The following UBR4 variants were observed in gnomAD, a reference collection of about 807,000 sequenced individuals.
UBR4 encodes the protein ubiquitin protein ligase E3 component n-recognin 4.
In UBR4, 124 loss-of-function variants were observed where a neutral mutation model predicts 575.6. That is an observed-to-expected ratio of 0.22 (90% CI 0.19 to 0.25). UBR4 has a LOEUF of 0.25. Ranked by LOEUF, UBR4 falls within the 10% of genes least tolerant of loss-of-function variation. The pLI is 1.00. For synonymous variants in UBR4, 2,455 were observed against 2,473.7 expected (o/e 0.99, Z 0.22); for missense variants, 4,818 against 6,478.8 (o/e 0.74, Z 8.80).
intron 75 of UBR4, among the ~76,000 whole-genome samples, chr1:19,114,340 T>C (rs1260593968): frequency 2.0e-5 from 3 of 152,220 alleles, no homozygotes; most frequent in African/African-American, 7.2e-5. Flanking sequence ...ATGGCTGGAA[T>C]TAGAATTTCT....
At chr1:19,166,883 G>C (rs1039359189) in intron 29 of UBR4, 139 bp downstream of exon 29, 5 of 969,054 alleles carry the variant, frequency 5.2e-6, no homozygotes, top group Admixed American at 5.1e-5. Flanking sequence ...GCGACAGAGC[G>C]AGACCATGTC....
chr1:19,180,423 A>G (rs1403221766), intron 17 of UBR4, among the ~76,000 whole-genome samples: 2 of 151,918 alleles, frequency 1.3e-5, no homozygotes, highest in Non-Finnish European at 2.9e-5. Flanking sequence ...TTCTGGCCTC[A>G]GGTGATCTAC....
chr1:19,205,403 C>A (rs1429943766), intron 1 of UBR4, among the ~76,000 whole-genome samples: 1 of 152,158 alleles, frequency 6.6e-6, no homozygotes, highest in Non-Finnish European at 1.5e-5. Context: ...GTAGAAATTC[C>A]ACAAGCTCCT....
At position 19,156,327 on chromosome 1, in the gene UBR4, C is replaced by T. The variant is rs1476367888; in HGVS notation, c.6016G>A (p.Val2006Met). 18 of 1,614,060 alleles carry T rather than the reference C, an allele frequency of 1.1e-5. No homozygotes were observed. Among genetic ancestry groups the T allele is most frequent in the South Asian group, 2.2e-5 (2 of 91,088 alleles). ...LATGNFIIKA[V>M]WLPGSQTELA... ...TCGGTCTGTGAACCAGGTAACCACA[C>T]GGCTTTGATGATGAAGTTCCCCGTT... is the stretch of plus-strand genomic sequence containing the variant. Residue 2006 changes from valine (V) to methionine (M), a missense_variant, in exon 42 of 106, where the codon GTG (valine) becomes ATG (methionine). Coordinates refer to ENST00000375254, the MANE Select transcript of UBR4 (RefSeq NM_020765.3).
At chr1:19,181,249 G>A (rs767387021) in intron 17 of UBR4, among the ~76,000 whole-genome samples, 5 of 151,918 alleles carry the variant, frequency 3.3e-5, no homozygotes, top group African/African-American at 7.3e-5. Flanking sequence ...AAAGAAGGAC[G>A]GACCAGCCGG....
intron 89 of UBR4, 99 bp from the exon 90 acceptor site, chr1:19,099,776 A>G: frequency 1.0e-6 from 1 of 977,476 alleles, no homozygotes. Context: ...GATAATTCAC[A>G]ATTTTTATAT....
Position 19,074,862 on chromosome 1 carries a change from G to A in UBR4, c.15522C>T (p.Phe5174=). The part of the protein sequence containing the change: ...LLSEITDPES[F]LKDLLNSVP ...GGACTGAGTTCAACAGGTCCTTCAG[G>A]AAGCTCTCTGGATCGGTGATTTCTG... The change falls in exon 106 of 106, where the codon TTC becomes TTT. Residue 5174 remains phenylalanine, a synonymous_variant. Transcript: ENST00000375254. 1.9e-6 allele frequency: 3 copies of A among 1,614,092 alleles called. No homozygotes were observed. Among genetic ancestry groups the A allele is most frequent in the Non-Finnish European group, 2.5e-6 (3 of 1,179,972 alleles).
chr1:19,167,728 T>C (rs1229614819), intron 28 of UBR4, among the ~76,000 whole-genome samples: 1 of 152,208 alleles, frequency 6.6e-6, no homozygotes, highest in Non-Finnish European at 1.5e-5. Flanking sequence ...CGTTATCAAA[T>C]AATCTGTCAC....
At position 19,087,946 on chromosome 1, in the gene UBR4, G is replaced by A; in HGVS notation, c.14431-17C>T. 2 of 1,584,754 alleles carry A rather than the reference G, an allele frequency of 1.3e-6. No homozygotes were observed. The highest frequency in any genetic ancestry group is 2.3e-5 in the East Asian group (1 of 44,314). On this transcript the variant is annotated splice_polypyrimidine_tract_variant and intron_variant, in intron 98 of 105. Transcript: ENST00000375254. ...TTCATTTGTCTGTAGGGGAACCCCGGTGGCATGTCAAGGGGATTTCCACAC... is the reference window on the plus strand; with the variant it reads ...TTCATTTGTCTGTAGGGGAACCCCGATGGCATGTCAAGGGGATTTCCACAC...
In UBR4 at chr1:19,193,470, T is replaced by C; in HGVS notation, c.1106A>G (p.Asp369Gly). The C allele has an allele frequency of 1.9e-6, 3 of 1,614,210 alleles. No individual in the cohort carries two copies. Among genetic ancestry groups the C allele is most frequent in the Non-Finnish European group, 2.5e-6 (3 of 1,180,024 alleles). ...RTGSTSSKED[D>G]YESDAATIVQ... ...AATTGTAGCTGCGTCACTTTCATAG[T>C]CATCTTCTTTGGAGCTCGTGGACCC... The change falls in exon 9 of 106, where the codon GAC becomes GGC. Residue 369 changes from aspartate to glycine, a missense_variant. Transcript: ENST00000375254.
rs748376154 is a variant in UBR4, at chr1:19,113,752, C to G, written c.11404G>C (p.Glu3802Gln). The change falls in exon 77 of 106, where the codon GAG becomes CAG. Residue 3802 changes from glutamate (E) to glutamine (Q), a missense_variant. By Grantham distance (29) the Glu-to-Gln change is conservative (BLOSUM62 2). Around this residue, in one of 29 missense-constraint regions of UBR4, gnomAD observed 333 missense variants for 459.2 expected, o/e 0.73. Coordinates refer to ENST00000375254, the MANE Select transcript of UBR4 (RefSeq NM_020765.3). ...VNRYILQLAQEYCGDCKNSFD... is the reference protein window; with the variant it reads ...VNRYILQLAQQYCGDCKNSFD... ...GAGTTCTTGCAGTCTCCACAATACT[C>G]CTGAGCCAACTGCAGGATGTAACGA... 1.1e-5 allele frequency: 17 copies of G among 1,614,106 alleles called. No homozygotes were observed. The South Asian group carries it at 1.9e-4, about 18-fold the overall frequency.
Position 19,099,613 on chromosome 1 carries a change from C to T in UBR4, c.13286G>A (p.Trp4429Ter). The change falls in exon 90 of 106, where the codon TGG becomes TAG. Residue 4429 changes from tryptophan (W) to a stop codon, truncating the protein, a stop_gained. Transcript: ENST00000375254. LOFTEE classifies it high-confidence loss of function. ...LPVAEVYKKV[W>*]CTTNEGEPMR... ...GGCACATACCTCATTCGTGGTACAC[C>T]AGACTTTCTTGTAAACTTCAGCCAC... 1 of 1,614,048 alleles carries T rather than the reference C, an allele frequency of 6.2e-7. No individual in the cohort carries two copies.
At chr1:19,163,268 T>C (rs931770625) in intron 34 of UBR4, among the ~76,000 whole-genome samples, 1 of 152,236 alleles carries the variant, frequency 6.6e-6, no homozygotes, top group Non-Finnish European at 1.5e-5. Flanking sequence ...TAGCCACCTA[T>C]GCCAGTTCAT....
Position 19,164,960 on chromosome 1 carries a change from A to G in UBR4, c.4350T>C (p.Cys1450=), listed in dbSNP as rs369405842. Residue 1450 remains cysteine (C), a synonymous_variant, in exon 32 of 106, where the codon TGT becomes TGC. Coordinates refer to ENST00000375254, the MANE Select transcript of UBR4 (RefSeq NM_020765.3). ...CACAGGCCAGTTGTGCCAGGGAGCC[A>G]CAGAGATGCAACAGGCTCGGGTTAG... The part of the protein sequence containing the change: ...KSPNPSLLHL[C]GSLAQLACVE... The G allele has an allele frequency of 2.5e-6, 4 of 1,614,148 alleles. No homozygotes were observed. The highest frequency in any genetic ancestry group is 1.3e-5 in the African/African-American group (1 of 75,036).
chr1:19,151,904 A>C (rs1281847884), intron 47 of UBR4, 45 bp from the exon 48 acceptor site: 1 of 1,494,000 alleles, frequency 6.7e-7, no homozygotes. Context: ...AGAAGTTCTT[A>C]AGTTTTAACT....
chr1:19,089,635 A>T lies in UBR4; in HGVS notation c.14212-658T>A, dbSNP rs995842478. Among the ~76,000 whole-genome samples, 4 of 152,262 alleles carry T rather than the reference A, an allele frequency of 2.6e-5. No homozygotes were observed. Among genetic ancestry groups the T allele is most frequent in the African/African-American group, 7.2e-5 (3 of 41,470 alleles). On this transcript the variant is annotated intron_variant, in intron 97 of 105. Transcript: ENST00000375254. The surrounding 1 kb of genome is among the most constrained non-coding windows in gnomAD (Gnocchi z 4.3). ...ACATCAGAAGGCTAAAGACAGGTGT[A>T]GTTGGAAAAAGCACTCCAGGTGAGC...
At position 19,177,741 on chromosome 1, in the gene UBR4, A is replaced by C. The variant is rs1395109665; in HGVS notation, c.2357T>G (p.Phe786Cys). 6.2e-7 allele frequency: 1 copy of C among 1,611,718 alleles called. No individual in the cohort carries two copies. The highest frequency in any genetic ancestry group is 8.5e-7 in the Non-Finnish European group (1 of 1,178,830). ...VPECLKVWDR[F>C]LSTMKQNALQ... ...GGCATTCTGCTTCATTGTAGACAAA[A>C]ACCTACCAGAGAGAAAAGATGACTA... Residue 786 changes from phenylalanine to cysteine, a missense_variant and splice_region_variant, in exon 19 of 106, where the codon TTT becomes TGT. Coordinates refer to ENST00000375254, the MANE Select transcript of UBR4 (RefSeq NM_020765.3).
chr1:19,111,644 C>CG (rs2079893409), intron 78 of UBR4: 1 of 140,784 alleles, frequency 7.1e-6, no homozygotes, highest in African/African-American at 2.7e-5. Flanking sequence ...TTTTTTGAGA[C>CG]GGAGTCTCGC....
intron 39 of UBR4, 103 bp downstream of exon 39, chr1:19,160,008 A>C: frequency 5.5e-6 from 8 of 1,449,630 alleles, no homozygotes; most frequent in Non-Finnish European, 7.4e-6. Context: ...GCCAAGCATC[A>C]ACTGCTCTAA....
Sources: allele counts gnomAD v4.1 joint callset (sites outside exome capture counted in the v4.1 genomes callset), GRCh38; gene constraint gnomAD v4.1.1; regional missense constraint gnomAD v4.1.1; non-coding constraint Gnocchi (gnomAD v3.1); transcripts MANE v1.5; gene names NCBI Gene and HGNC (gene_info 2026-07-23, HGNC 2026-07-21).